The following DPP10 variants were observed in gnomAD, a reference collection of about 807,000 sequenced individuals.
The protein encoded by DPP10 is inactive dipeptidyl peptidase 10.
In DPP10, 33 loss-of-function variants were observed where a neutral mutation model predicts 120.9. The ratio of observed to expected loss-of-function variants is 0.27; its 90% CI spans 0.21 to 0.37. DPP10 has a LOEUF of 0.37. DPP10 is among the 10% of genes least tolerant of loss of function. The probability of loss-of-function intolerance (pLI) is 1.00; values close to 1 mark genes in which losing one functional copy is unlikely to be tolerated. For missense variants in DPP10, 816 were observed against 942.8 expected (o/e 0.87, Z 1.76); for synonymous variants, 337 against 326.1 (o/e 1.03, Z -0.36).
At chr2:114,926,775 T>C (rs890958873) in intron 1 of DPP10, among the ~76,000 whole-genome samples, 6 of 151,926 alleles carry the variant, frequency 3.9e-5, no homozygotes, top group African/African-American at 1.5e-4. Flanking sequence ...TGCCTCTAGC[T>C]GCAGAGGCAG....
intron 5 of DPP10, among the ~76,000 whole-genome samples, chr2:115,670,932 T>A (rs2089826708): frequency 6.6e-6 from 1 of 152,106 alleles, no homozygotes; most frequent in Admixed American, 6.6e-5. Flanking sequence ...AGTTTTCATG[T>A]TTTAGAGAAA....
chr2:115,571,471 G>A (rs1283638055), intron 5 of DPP10, among the ~76,000 whole-genome samples: 2 of 151,990 alleles, frequency 1.3e-5, no homozygotes, highest in African/African-American at 4.8e-5. Flanking sequence ...TTATAAATGA[G>A]AACATGTAGT....
intron 1 of DPP10, among the ~76,000 whole-genome samples, chr2:114,717,286 CAG>C (rs1427289650): frequency 1.3e-5 from 2 of 152,328 alleles, no homozygotes; most frequent in African/African-American, 2.4e-5. Flanking sequence ...TGCGAATTCT[CAG>C]AGACTGTTTT....
intron 1 of DPP10, among the ~76,000 whole-genome samples, chr2:114,786,242 A>C (rs557767939): frequency 4.6e-5 from 7 of 152,358 alleles, no homozygotes; most frequent in Non-Finnish European, 8.8e-5. Context: ...TAGAAACATT[A>C]GTGTTTTAAA....
intron 1 of DPP10, among the ~76,000 whole-genome samples, chr2:114,752,311 A>C (rs966791790): frequency 6.6e-6 from 1 of 152,182 alleles, no homozygotes; most frequent in Non-Finnish European, 1.5e-5. Flanking sequence ...GGTATCTGTA[A>C]GATAGAAAAA....
chr2:115,460,128 G>A (rs945741433), intron 3 of DPP10, among the ~76,000 whole-genome samples: 1 of 151,872 alleles, frequency 6.6e-6, no homozygotes, highest in African/African-American at 2.4e-5. Flanking sequence ...AATATTCAGT[G>A]GTAATGTGAG....
At chr2:115,561,383 AAG>A (rs2080661846) in intron 5 of DPP10, among the ~76,000 whole-genome samples, 3 of 149,534 alleles carry the variant, frequency 2.0e-5, no homozygotes, top group Non-Finnish European at 3.0e-5. Flanking sequence ...AAAAAAAAAA[AAG>A]GAATCTCAAG....
In DPP10 at chr2:114,948,884, GGCA is replaced by G. The variant is rs1474016215; in HGVS notation, c.61-360350_61-360348del. ...GGAGAAGCAAGCACCTCCTTCACAA[GGCA>G]GCAGAAGAGAGAGAACCAACAAAGG... On this transcript the variant is annotated intron_variant, in intron 1 of 25. Coordinates refer to ENST00000410059, the MANE Select transcript of DPP10 (RefSeq NM_020868.6). 3.3e-5 allele frequency among the ~76,000 whole-genome samples: 5 copies of G among 151,890 alleles called. No homozygotes were observed. The East Asian group carries it at 9.7e-4, about 29-fold the overall frequency.
In DPP10 at chr2:115,786,976, C is replaced by T. The variant is rs564940189; in HGVS notation, c.1532-4105C>T. ...AGCTCACAGAGTGGTGGGATTTGCT[C>T]AAGTTATAATCAGCACAGTAGTGGA... On this transcript the variant is annotated intron_variant, in intron 17 of 25. Coordinates refer to ENST00000410059, the MANE Select transcript of DPP10 (RefSeq NM_020868.6). 5.6e-4 allele frequency among the ~76,000 whole-genome samples: 85 copies of T among 152,250 alleles called. 1 individual carries two copies. Among genetic ancestry groups the T allele is most frequent in the African/African-American group, 1.6e-3 (65 of 41,548 alleles).
chr2:115,789,807 A>G (rs765357028), intron 17 of DPP10, among the ~76,000 whole-genome samples: 3 of 152,200 alleles, frequency 2.0e-5, no homozygotes, highest in Non-Finnish European at 4.4e-5. Flanking sequence ...CATTTCATCA[A>G]TGAAAATGCA....
At chr2:114,599,029 G>T (rs185436405) in intron 1 of DPP10, among the ~76,000 whole-genome samples, 1 of 151,776 alleles carries the variant, frequency 6.6e-6, no homozygotes. Context: ...AGAGTTCTGC[G>T]TTTGCTTGAC....
At chr2:115,058,750 TTTTTTTA>T (rs902989703) in intron 1 of DPP10, among the ~76,000 whole-genome samples, 3 of 151,030 alleles carry the variant, frequency 2.0e-5, no homozygotes, top group African/African-American at 7.3e-5. Flanking sequence ...CAACAATCTT[TTTTTTTA>T]TTTTTTTATT....
intron 1 of DPP10, among the ~76,000 whole-genome samples, chr2:115,276,728 A>C (rs928115684): frequency 1.1e-4 from 16 of 152,244 alleles, no homozygotes; most frequent in African/African-American, 3.9e-4. Context: ...GGCAAGTATG[A>C]GAGATTTTGG....
intron 10 of DPP10, among the ~76,000 whole-genome samples, chr2:115,752,965 A>G (rs1228768628): frequency 6.6e-6 from 1 of 152,158 alleles, no homozygotes; most frequent in Non-Finnish European, 1.5e-5. Flanking sequence ...CCATGTGAAT[A>G]CATACATACA....
chr2:115,825,279 A>G (rs774975444), intron 21 of DPP10, among the ~76,000 whole-genome samples: 2 of 152,074 alleles, frequency 1.3e-5, no homozygotes, highest in African/African-American at 4.8e-5. Flanking sequence ...TTAGAATTCT[A>G]TCTCTTATTA....
intron 15 of DPP10, 61 bp downstream of exon 15, chr2:115,777,895 A>C: frequency 6.5e-7 from 1 of 1,535,270 alleles, no homozygotes; most frequent in East Asian, 2.3e-5. Flanking sequence ...TCTATGTAGC[A>C]TAAGGAAGGA....
At chr2:115,662,070 A>G (rs1055891515) in intron 5 of DPP10, among the ~76,000 whole-genome samples, 4 of 152,008 alleles carry the variant, frequency 2.6e-5, no homozygotes, top group East Asian at 3.9e-4. Context: ...TTCTGCTTCT[A>G]TATGTTTGAT....
At chr2:115,323,080 A>G (rs2062148598) in intron 2 of DPP10, among the ~76,000 whole-genome samples, 1 of 152,196 alleles carries the variant, frequency 6.6e-6, no homozygotes, top group Admixed American at 6.5e-5. Flanking sequence ...AATTTTATCC[A>G]TAGCATGCAC....
At chr2:115,293,545 T>G (rs1559377374) in intron 1 of DPP10, among the ~76,000 whole-genome samples, 2 of 152,074 alleles carry the variant, frequency 1.3e-5, no homozygotes, top group Non-Finnish European at 2.9e-5. Context: ...AGTGCTTTCT[T>G]TTTTTCACTA....
Sources: gnomAD v4.1 joint callset for allele counts (sites outside exome capture counted in the v4.1 genomes callset) on GRCh38, gnomAD v4.1.1 for gene constraint, MANE v1.5 for transcripts, NCBI Gene and HGNC (gene_info 2026-07-23, HGNC 2026-07-21) for gene names.